The following HIVEP3 variants were observed in gnomAD, a reference collection of about 807,000 sequenced individuals.
HIVEP3 encodes the protein transcription factor HIVEP3.
In HIVEP3, 49 loss-of-function variants were observed where a neutral mutation model predicts 152.8. The ratio of observed to expected loss-of-function variants is 0.32; its 90% CI spans 0.26 to 0.41. The LOEUF (loss-of-function observed/expected upper bound fraction) is 0.41, where lower values mean the gene tolerates loss of function less well. Among genes scored for constraint, HIVEP3 ranks in the 10% least tolerant of loss-of-function variants. The pLI is 1.00. For missense variants in HIVEP3, 2,790 were observed against 3,103.3 expected (o/e 0.90, Z 2.40); for synonymous variants, 1,269 against 1,289.0 (o/e 0.98, Z 0.33).
At chr1:41,638,025 G>A (rs1171924899) in intron 2 of HIVEP3, among the ~76,000 whole-genome samples, 1 of 152,176 alleles carries the variant, frequency 6.6e-6, no homozygotes, top group Non-Finnish European at 1.5e-5. Flanking sequence ...GACACGAAGT[G>A]TGGAATAATA....
At chr1:41,798,289 T>TA (rs879873684) in intron 1 of HIVEP3, among the ~76,000 whole-genome samples, 3,823 of 140,656 alleles carry the variant, frequency 0.027, 163 homozygotes, top group African/African-American at 0.093. Flanking sequence ...AAAGTATAAT[T>TA]AAAAAAAAAA....
intron 1 of HIVEP3, among the ~76,000 whole-genome samples, chr1:41,971,301 C>A (rs114884063): frequency 1.5e-3 from 229 of 152,266 alleles, no homozygotes; most frequent in African/African-American, 4.9e-3. Context: ...GGTCAGAAAA[C>A]AGATGGTCAA....
At chr1:42,028,085 T>C (rs991626288) in intron 1 of HIVEP3, among the ~76,000 whole-genome samples, 2 of 152,230 alleles carry the variant, frequency 1.3e-5, no homozygotes, top group Non-Finnish European at 2.9e-5. Context: ...CCTTGAACAA[T>C]CTCTCTAACA....
chr1:42,020,461 T>C (rs1645547265), intron 1 of HIVEP3, among the ~76,000 whole-genome samples: 1 of 145,898 alleles, frequency 6.9e-6, no homozygotes, highest in Admixed American at 7.0e-5. Flanking sequence ...TTGGAATTTG[T>C]TTATTTCATC....
intron 1 of HIVEP3, among the ~76,000 whole-genome samples, chr1:41,888,096 C>T (rs571325623): frequency 0.017 from 2,410 of 145,744 alleles, 30 homozygotes; most frequent in South Asian, 0.035. Flanking sequence ...AGTGCAGTGG[C>T]GTGATCTCAG....
chr1:41,575,638 C>G lies in HIVEP3; in HGVS notation c.5113G>C (p.Val1705Leu). Residue 1705 changes from valine to leucine, a missense_variant, in exon 5 of 9, where the codon GTG (valine) becomes CTG (leucine). Coordinates refer to ENST00000372583, the MANE Select transcript of HIVEP3 (RefSeq NM_024503.5). Reference sequence around the variant, plus strand: ...CCTCTCCTCTCTTCTTCCTTCTCCACTCTAGCTAGATCTTTCTGGCCTTCC... The same window carrying G: ...CCTCTCCTCTCTTCTTCCTTCTCCAGTCTAGCTAGATCTTTCTGGCCTTCC... ...SPEGQKDLARVEKEEERRGEP... is the reference protein window; with the variant it reads ...SPEGQKDLARLEKEEERRGEP... 6.2e-7 allele frequency: 1 copy of G among 1,614,190 alleles called. No individual in the cohort carries two copies. The highest frequency in any genetic ancestry group is 8.5e-7 in the Non-Finnish European group (1 of 1,180,000).
chr1:41,639,473 C>T (rs537307151), intron 2 of HIVEP3, among the ~76,000 whole-genome samples: 72 of 152,342 alleles, frequency 4.7e-4, no homozygotes, highest in African/African-American at 1.7e-3. Flanking sequence ...CCACGTGGAT[C>T]AGATGCGACA....
intron 1 of HIVEP3, among the ~76,000 whole-genome samples, chr1:41,946,150 A>G (rs1645073773): frequency 6.6e-6 from 1 of 152,228 alleles, no homozygotes; most frequent in African/African-American, 2.4e-5. Flanking sequence ...GCAGTCTACA[A>G]GGACGCTTTA....
intron 1 of HIVEP3, chr1:41,847,281 A>C (rs1643469758): frequency 6.6e-6 from 1 of 152,242 alleles, no homozygotes; most frequent in African/African-American, 2.4e-5. Flanking sequence ...TGAGGTAAAC[A>C]AAGGATGCTG....
chr1:41,559,381 C>T (rs952005375), intron 5 of HIVEP3, among the ~76,000 whole-genome samples: 1 of 152,232 alleles, frequency 6.6e-6, no homozygotes, highest in Non-Finnish European at 1.5e-5. Flanking sequence ...AACCCAACGT[C>T]CATTTCCCCT....
chr1:41,814,685 C>T (rs1002135245), intron 1 of HIVEP3, among the ~76,000 whole-genome samples: 7 of 152,364 alleles, frequency 4.6e-5, no homozygotes, highest in African/African-American at 1.7e-4. Context: ...CTCTCCATTG[C>T]ATTTGCAACT....
chr1:41,828,257 G>A (rs921664927), intron 1 of HIVEP3, among the ~76,000 whole-genome samples: 1 of 152,132 alleles, frequency 6.6e-6, no homozygotes, highest in South Asian at 2.1e-4. Flanking sequence ...AGGACTCCCC[G>A]CTGCCCCTCA....
intron 1 of HIVEP3, among the ~76,000 whole-genome samples, chr1:41,900,522 A>G (rs1257330608): frequency 3.3e-5 from 5 of 152,130 alleles, no homozygotes; most frequent in Admixed American, 2.0e-4. Flanking sequence ...TTCTCTTCAG[A>G]CAACGTACCC....
At chr1:41,668,098 T>G (rs906109360) in intron 2 of HIVEP3, among the ~76,000 whole-genome samples, 33 of 152,184 alleles carry the variant, frequency 2.2e-4, no homozygotes, top group African/African-American at 7.0e-4. Context: ...TCCTGAGACT[T>G]TCATCCAACT....
At chr1:41,622,778 C>T (rs1486383849) in intron 3 of HIVEP3, among the ~76,000 whole-genome samples, 4 of 152,136 alleles carry the variant, frequency 2.6e-5, no homozygotes, top group African/African-American at 9.7e-5. Flanking sequence ...GCAGGCAAGC[C>T]AGGGGAAAGG....
At chr1:42,033,264 T>G (rs1557570243) in intron 1 of HIVEP3, among the ~76,000 whole-genome samples, 1 of 152,096 alleles carries the variant, frequency 6.6e-6, no homozygotes, top group East Asian at 1.9e-4. Flanking sequence ...CCTATAATGC[T>G]CCTCACATGG....
At chr1:41,619,985 G>T (rs1323503876) in intron 3 of HIVEP3, among the ~76,000 whole-genome samples, 1 of 152,164 alleles carries the variant, frequency 6.6e-6, no homozygotes, top group Non-Finnish European at 1.5e-5. Flanking sequence ...GCTCTCTAGT[G>T]GGTGACTCAC....
At chr1:41,628,627 G>T in intron 3 of HIVEP3, 122 bp downstream of exon 3, 1 of 802,530 alleles carries the variant, frequency 1.2e-6, no homozygotes, top group South Asian at 6.6e-5. Flanking sequence ...GCACCAGAAA[G>T]GCAACGATAA....
At chr1:41,693,237 G>A (rs1049396342) in intron 2 of HIVEP3, among the ~76,000 whole-genome samples, 1 of 152,132 alleles carries the variant, frequency 6.6e-6, no homozygotes, top group Non-Finnish European at 1.5e-5. Context: ...TGAAAGGTGG[G>A]GACATTTGAA....
Sources: allele counts gnomAD v4.1 joint callset (sites outside exome capture counted in the v4.1 genomes callset), GRCh38; gene constraint gnomAD v4.1.1; transcripts MANE v1.5; gene names NCBI Gene and HGNC (gene_info 2026-07-23, HGNC 2026-07-21).